Variants in ZFYVE28 observed in about 807,000 individuals in gnomAD.
ZFYVE28 encodes lateral signaling target protein 2 homolog.
A neutral mutation model predicts 82.1 loss-of-function variants in ZFYVE28; 40 were observed. That is an observed-to-expected ratio of 0.49 (90% confidence interval 0.38 to 0.63). The LOEUF (loss-of-function observed/expected upper bound fraction) is 0.63. Ranked by LOEUF, ZFYVE28 falls within the 30% of genes least tolerant of loss-of-function variation. The pLI, the probability that ZFYVE28 is intolerant of heterozygous loss-of-function variation, is 0.00. For synonymous variants in ZFYVE28, 612 were observed against 546.1 expected (o/e 1.12, Z -1.68); for missense variants, 1,321 against 1,242.1 (o/e 1.06, Z -0.96).
intron 1 of ZFYVE28, among the ~76,000 whole-genome samples, chr4:2,359,679 C>A (rs1057401194): frequency 6.6e-6 from 1 of 152,176 alleles, no homozygotes; most frequent in African/African-American, 2.4e-5. Context: ...ACATTCCTAC[C>A]GTTCCGGCTA....
At position 2,417,842 on chromosome 4, in the gene ZFYVE28, G is replaced by T. The variant is rs970620182; in HGVS notation, c.39+443C>A. 3.3e-5 allele frequency among the ~76,000 whole-genome samples: 5 copies of T among 151,514 alleles called. No individual in the cohort carries two copies. Among genetic ancestry groups the T allele is most frequent in the Non-Finnish European group, 7.4e-5 (5 of 67,976 alleles). The stretch of plus-strand genomic sequence containing the variant: ...TCTATTCCGGGCCCAGGACAATGGG[G>T]GTGGGGGCAGGACGGGAATGAGGGG... On this transcript the variant is annotated intron_variant, in intron 1 of 12. Transcript: ENST00000290974. This position sits in a 1 kb window ranked among gnomAD's most constrained non-coding sequence, Gnocchi z 4.8.
chr4:2,406,500 G>A (rs1731935373), intron 1 of ZFYVE28: 1 of 152,296 alleles, frequency 6.6e-6, no homozygotes, highest in Non-Finnish European at 1.5e-5. Context: ...TCCCCTCCCT[G>A]TGGGGAAACA....
chr4:2,375,478 C>A (rs1041542271), intron 1 of ZFYVE28, among the ~76,000 whole-genome samples: 2 of 152,238 alleles, frequency 1.3e-5, no homozygotes, highest in South Asian at 2.1e-4. Flanking sequence ...GGTGACCAAA[C>A]TGAATGAATC....
At chr4:2,330,688 G>C in intron 6 of ZFYVE28, 1 of 1,447,774 alleles carries the variant, frequency 6.9e-7, no homozygotes, top group Non-Finnish European at 9.1e-7. Context: ...ATGGCCAAGA[G>C]GACACTGGAG....
Position 2,320,352 on chromosome 4 carries a change from G to A in ZFYVE28, c.702-81C>T, listed in dbSNP as rs1293019610. 4.5e-5 allele frequency: 58 copies of A among 1,285,690 alleles called. 1 individual carries two copies. In the Admixed American group the frequency reaches 6.7e-4, roughly 15 times the overall value. The allele number at this position is 1,285,690 out of a possible 1,614,324, so 79.6% of individuals were successfully genotyped here. A position where few individuals can be genotyped will look rare whatever the true frequency, so the allele number is the denominator to read the frequency against. On this transcript the variant is annotated intron_variant, in intron 6 of 12. Transcript: ENST00000290974. The surrounding 1 kb of genome is among the most constrained non-coding windows in gnomAD (Gnocchi z 5.1). ...CGGACGGCCCAACTTAACCACCTGC[G>A]AAAACCACGCCCGCTGGGACTCTGC...
At chr4:2,329,148 A>G (rs987440416) in intron 6 of ZFYVE28, 9 of 697,040 alleles carry the variant, frequency 1.3e-5, no homozygotes, top group Admixed American at 1.2e-4. Context: ...CATTTCTGCA[A>G]AACAAAAAGG....
intron 1 of ZFYVE28, among the ~76,000 whole-genome samples, chr4:2,379,814 GTCTT>G (rs1728542282): frequency 6.6e-6 from 1 of 151,596 alleles, no homozygotes; most frequent in Non-Finnish European, 1.5e-5. Context: ...TTGAGACAGA[GTCTT>G]TCTCTGTCAC....
At position 2,398,795 on chromosome 4, in the gene ZFYVE28, AG is replaced by A. The variant is rs1730786342; in HGVS notation, c.39+19489del. On this transcript the variant is annotated intron_variant, in intron 1 of 12. Transcript: ENST00000290974. ...TGGCAGGGGCAAGATCCAGGGCACAAGTGTGGAGCTGAGATCCAGGGCACAA... is the reference window on the plus strand; with the variant it reads ...TGGCAGGGGCAAGATCCAGGGCACAATGTGGAGCTGAGATCCAGGGCACAA... 0.011 allele frequency among the ~76,000 whole-genome samples: 12 copies of A among 1,086 alleles called. No homozygotes were observed. The African/African-American group carries it at 0.17, about 16-fold the overall frequency. The allele number at this position is 1,086 out of a possible 152,430, so 0.7% of individuals were successfully genotyped here.
In ZFYVE28 at chr4:2,339,263, G is replaced by C. The variant is rs1043806741; in HGVS notation, c.521+190C>G. ...GTCCTCTGTGCTCACCCCACTCCCT[G>C]GAAAGATGCCCCACCTCACCTCCAC... On this transcript the variant is annotated intron_variant, in intron 4 of 12. Transcript: ENST00000290974. This position sits in a 1 kb window ranked among gnomAD's most constrained non-coding sequence, Gnocchi z 5.0. Among the ~76,000 whole-genome samples, 1 of 152,130 alleles carries C rather than the reference G, an allele frequency of 6.6e-6. No homozygotes were observed. Among genetic ancestry groups the C allele is most frequent in the Admixed American group, 6.5e-5 (1 of 15,276 alleles).
In ZFYVE28 at chr4:2,342,613, C is replaced by T. The variant is rs1271283848; in HGVS notation, c.181-998G>A. On this transcript the variant is annotated intron_variant, in intron 2 of 12. Transcript: ENST00000290974. ...TTATTTTACTTTATTTCCTTATGTT[C>T]AAAATATAAAGTATAACAGAGTGTT... 1.3e-5 allele frequency: 2 copies of T among 152,140 alleles called. 1 individual carries two copies. Among genetic ancestry groups the T allele is most frequent in the Admixed American group, 1.3e-4 (2 of 15,276 alleles). 9.4% of individuals were successfully genotyped at this position (152,140 alleles called of 1,614,324 possible).
Position 2,304,274 on chromosome 4 carries a change from C to T in ZFYVE28, c.2051+15G>A. On this transcript the variant is annotated intron_variant, in intron 8 of 12. Transcript: ENST00000290974. Reference sequence around the variant, plus strand: ...GAGAGGACAAACCCAGTCTCTGGGCCAGACTGGCTCTTACCTGGAGCCCGA... The same window carrying T: ...GAGAGGACAAACCCAGTCTCTGGGCTAGACTGGCTCTTACCTGGAGCCCGA... 1 of 1,546,570 alleles carries T rather than the reference C, an allele frequency of 6.5e-7. No individual in the cohort carries two copies. The highest frequency in any genetic ancestry group is 1.2e-5 in the South Asian group (1 of 83,038).
intron 1 of ZFYVE28, among the ~76,000 whole-genome samples, chr4:2,369,374 C>A (rs1316163435): frequency 2.0e-5 from 3 of 152,110 alleles, no homozygotes; most frequent in Admixed American, 6.5e-5. Context: ...GTGATTAGGA[C>A]CTAATTTGCC....
Position 2,409,090 on chromosome 4 carries a change from G to A in ZFYVE28, c.39+9195C>T, listed in dbSNP as rs1732237827. On this transcript the variant is annotated intron_variant, in intron 1 of 12. Transcript: ENST00000290974. This position sits in a 1 kb window ranked among gnomAD's most constrained non-coding sequence, Gnocchi z 4.4. ...TGTGACACAGCCCTGAACGCCCCTG[G>A]CCCCCCACCCTCACATTCCCCGTGG... is the stretch of plus-strand genomic sequence containing the variant. Among the ~76,000 whole-genome samples, 2 of 151,768 alleles carry A rather than the reference G, an allele frequency of 1.3e-5. No homozygotes were observed. The highest frequency in any genetic ancestry group is 4.8e-5 in the African/African-American group (2 of 41,272).
chr4:2,272,785 A>G (rs1238594003), intron 10 of ZFYVE28, among the ~76,000 whole-genome samples: 1 of 152,122 alleles, frequency 6.6e-6, no homozygotes, highest in Admixed American at 6.5e-5. Flanking sequence ...CATCCTTAAG[A>G]GGGAGGGTTT....
At chr4:2,353,309 G>A (rs947863012) in intron 2 of ZFYVE28, among the ~76,000 whole-genome samples, 12 of 152,220 alleles carry the variant, frequency 7.9e-5, no homozygotes, top group Non-Finnish European at 2.9e-5. Context: ...CCTGTTGGAG[G>A]AGCATGTGTC....
At chr4:2,352,403 A>AGGAGGAGGGAGGAAGAGGG in intron 2 of ZFYVE28, among the ~76,000 whole-genome samples, 3 of 151,634 alleles carry the variant, frequency 2.0e-5, no homozygotes, top group Non-Finnish European at 4.4e-5. Context: ...AAGGGGAGAT[A>AGGAGGAGGGAGGAAGAGGG]GGAGGAGGGA....
At chr4:2,338,104 A>T (rs1722144493) in intron 4 of ZFYVE28, among the ~76,000 whole-genome samples, 1 of 152,214 alleles carries the variant, frequency 6.6e-6, no homozygotes, top group Non-Finnish European at 1.5e-5. Context: ...GCGAGAGAGA[A>T]ACGAATGAAC....
chr4:2,341,662 G>A lies in ZFYVE28; in HGVS notation c.181-47C>T. The stretch of plus-strand genomic sequence containing the variant: ...AGTGCGCCAATCGCTGTGTCCAGCT[G>A]GCGGCCGCCATGTACTGCTGGAAAA... On this transcript the variant is annotated intron_variant, in intron 2 of 12. Transcript: ENST00000290974. This position sits in a 1 kb window ranked among gnomAD's most constrained non-coding sequence, Gnocchi z 4.5. 1 of 1,587,736 alleles carries A rather than the reference G, an allele frequency of 6.3e-7. No homozygotes were observed. Among genetic ancestry groups the A allele is most frequent in the Non-Finnish European group, 8.6e-7 (1 of 1,160,594 alleles).
rs73793735 is a variant in ZFYVE28 at position 2,369,598 on chromosome 4, C to A, written c.40-15525G>T. ...GACCATCCTGGACTCTCTGGGTGGG[C>A]CCTAAACCCAGTGACAGGTGGCCTT... On this transcript the variant is annotated intron_variant, in intron 1 of 12. Coordinates refer to ENST00000290974, the MANE Select transcript of ZFYVE28 (RefSeq NM_020972.3). Among the ~76,000 whole-genome samples, 577 of 152,196 alleles carry A rather than the reference C, an allele frequency of 3.8e-3. 5 individuals carry two copies. Among genetic ancestry groups the A allele is most frequent in the African/African-American group, 0.013 (556 of 41,518 alleles).
Sources: gnomAD v4.1 joint callset for allele counts (sites outside exome capture counted in the v4.1 genomes callset) on GRCh38, gnomAD v4.1.1 for gene constraint, Gnocchi (gnomAD v3.1) non-coding constraint, MANE v1.5 for transcripts, NCBI Gene and HGNC (gene_info 2026-07-23, HGNC 2026-07-21) for gene names.